The following TENM2 variants were observed in gnomAD, a reference collection of about 807,000 sequenced individuals.
TENM2 encodes the protein teneurin-2.
In TENM2, 52 loss-of-function variants were observed where a neutral mutation model predicts 245.2. The observed-to-expected ratio is 0.21, with a 90% CI of 0.17 to 0.27. TENM2 has a LOEUF of 0.27. TENM2 is among the 10% of genes least tolerant of loss of function. The pLI, the probability that TENM2 is intolerant of heterozygous loss-of-function variation, is 1.00. For missense variants in TENM2, 3,046 were observed against 3,666.8 expected (o/e 0.83, Z 4.37); for synonymous variants, 1,363 against 1,438.9 (o/e 0.95, Z 1.19).
Position 168,180,446 on chromosome 5 carries a change from G to T in TENM2, c.2570-9891G>T, listed in dbSNP as rs186495712. ...CCTCCACTTTTGTGTTTCAGGGAAT[G>T]CGTATTAACATCCTGCAGGAGACAG... On this transcript the variant is annotated intron_variant, in intron 13 of 28. Transcript: ENST00000518659. 1.3e-3 allele frequency among the ~76,000 whole-genome samples: 191 copies of T among 152,350 alleles called. 2 individuals are homozygous for T. The highest frequency in any genetic ancestry group is 0.012 in the Admixed American group (185 of 15,308).
chr5:168,036,747 A>G (rs976916702), intron 5 of TENM2, among the ~76,000 whole-genome samples: 1 of 148,014 alleles, frequency 6.8e-6, no homozygotes, highest in Non-Finnish European at 1.5e-5. Context: ...ATGTGTATAT[A>G]TATATGTATG....
chr5:167,540,742 T>C (rs1772151152), intron 2 of TENM2, among the ~76,000 whole-genome samples: 2 of 152,340 alleles, frequency 1.3e-5, no homozygotes, highest in East Asian at 3.9e-4. Flanking sequence ...TGTGTGACTT[T>C]GGCAGGTGAT....
At chr5:168,075,823 G>A (rs949882553) in intron 7 of TENM2, among the ~76,000 whole-genome samples, 1 of 152,210 alleles carries the variant, frequency 6.6e-6, no homozygotes, top group Non-Finnish European at 1.5e-5. Context: ...GAAGCCAAAG[G>A]AGAAGTAAAG....
At chr5:168,116,681 C>T (rs1795105791) in intron 9 of TENM2, among the ~76,000 whole-genome samples, 1 of 152,152 alleles carries the variant, frequency 6.6e-6, no homozygotes, top group South Asian at 2.1e-4. Flanking sequence ...GAATAGCTGA[C>T]TATATATCTT....
chr5:167,338,897 G>C (rs1413233322), intron 1 of TENM2, among the ~76,000 whole-genome samples: 1 of 152,074 alleles, frequency 6.6e-6, no homozygotes, highest in Non-Finnish European at 1.5e-5. Context: ...TTGTCCTCTT[G>C]TTTTAAGTCA....
chr5:167,045,832 T>G, the TENM2 span, among the ~76,000 whole-genome samples: 3 of 152,186 alleles, frequency 2.0e-5, no homozygotes, highest in African/African-American at 7.2e-5. Context: ...ACTCAGACAC[T>G]GAGCTCTGAA....
In TENM2 at chr5:168,238,263, A is replaced by AGAAAAGAAAG. The variant is rs1562321224; in HGVS notation, c.5521-6148_5521-6147insGGAAAAGAAA. Among the ~76,000 whole-genome samples, 233 of 139,160 alleles carry AGAAAAGAAAG rather than the reference A, an allele frequency of 1.7e-3. 11 individuals are homozygous for AGAAAAGAAAG. Among genetic ancestry groups the AGAAAAGAAAG allele is most frequent in the African/African-American group, 6.2e-3 (198 of 32,012 alleles). The allele number at this position is 139,160 out of a possible 152,430, so 91.3% of individuals were successfully genotyped here. On this transcript the variant is annotated intron_variant, in intron 25 of 28. Coordinates refer to ENST00000518659, the Ensembl canonical transcript of TENM2. The stretch of plus-strand genomic sequence containing the variant: ...AGAAAAGAAAAGAAAAGAAAAGAAA[A>AGAAAAGAAAG]GAAAAGAAAAGAAAAGAAAAGAAAA...
At chr5:167,180,774 A>G in the TENM2 span, among the ~76,000 whole-genome samples, 1 of 152,066 alleles carries the variant, frequency 6.6e-6, no homozygotes, top group African/African-American at 2.4e-5. Context: ...TTTACTATTC[A>G]TTAAGTGGAA....
intron 5 of TENM2, among the ~76,000 whole-genome samples, chr5:168,039,822 C>G (rs1056067646): frequency 1.3e-5 from 2 of 152,020 alleles, no homozygotes; most frequent in African/African-American, 4.8e-5. Context: ...CACCTCGGCA[C>G]ACCAGATGCC....
chr5:168,184,992 A>G (rs1760260724), intron 13 of TENM2: 1 of 152,222 alleles, frequency 6.6e-6, no homozygotes, highest in Non-Finnish European at 1.5e-5. Flanking sequence ...GCAGCCTACA[A>G]TGCCAGGAAT....
intron 1 of TENM2, among the ~76,000 whole-genome samples, chr5:167,342,629 G>A (rs111539787): frequency 0.2 from 27,945 of 140,066 alleles, 2,627 homozygotes; most frequent in Middle Eastern, 0.38. Context: ...CCGGGTTCAC[G>A]CCATTCTCCT....
At chr5:167,801,477 G>A (rs1765767413) in intron 2 of TENM2, among the ~76,000 whole-genome samples, 1 of 151,944 alleles carries the variant, frequency 6.6e-6, no homozygotes, top group Non-Finnish European at 1.5e-5. Context: ...AAGATGAGTG[G>A]TATTATTGGA....
At chr5:167,691,605 C>T (rs1757433480) in intron 2 of TENM2, among the ~76,000 whole-genome samples, 1 of 152,202 alleles carries the variant, frequency 6.6e-6, no homozygotes, top group South Asian at 2.1e-4. Flanking sequence ...CCTCAGCAAT[C>T]ACCACCAGAA....
the TENM2 span, among the ~76,000 whole-genome samples, chr5:167,215,188 A>G: frequency 6.6e-6 from 1 of 152,180 alleles, no homozygotes; most frequent in Admixed American, 6.5e-5. Context: ...CTCTGAACTT[A>G]CTTAGCAGTG....
At chr5:167,200,576 C>G in the TENM2 span, among the ~76,000 whole-genome samples, 1 of 152,070 alleles carries the variant, frequency 6.6e-6, no homozygotes, top group Non-Finnish European at 1.5e-5. Context: ...AAGGATAACT[C>G]TGTCACCAAT....
intron 6 of TENM2, among the ~76,000 whole-genome samples, chr5:168,059,306 A>T (rs768824913): frequency 6.6e-6 from 1 of 152,094 alleles, no homozygotes; most frequent in Non-Finnish European, 1.5e-5. Context: ...TGATATCACA[A>T]TCCATTCAGG....
At chr5:167,413,629 G>C (rs1222783739) in intron 2 of TENM2, among the ~76,000 whole-genome samples, 2 of 152,174 alleles carry the variant, frequency 1.3e-5, no homozygotes, top group Non-Finnish European at 2.9e-5. Flanking sequence ...GTTTCCTTCT[G>C]AGCAGAGCAA....
At chr5:167,045,090 C>T in the TENM2 span, among the ~76,000 whole-genome samples, 1 of 152,024 alleles carries the variant, frequency 6.6e-6, no homozygotes, top group Non-Finnish European at 1.5e-5. Context: ...TGAAAGTGAT[C>T]AACAGCACAG....
chr5:168,108,010 T>G (rs1475225731), intron 9 of TENM2, among the ~76,000 whole-genome samples: 1 of 152,232 alleles, frequency 6.6e-6, no homozygotes, highest in Non-Finnish European at 1.5e-5. Flanking sequence ...GTTTGGTACC[T>G]AGGACAAAAT....
Sources: gnomAD v4.1 joint callset for allele counts (sites outside exome capture counted in the v4.1 genomes callset) on GRCh38, gnomAD v4.1.1 for gene constraint, MANE v1.5 for transcripts, NCBI Gene and HGNC (gene_info 2026-07-23, HGNC 2026-07-21) for gene names.